The following ZCCHC7 variants were observed in gnomAD, a reference collection of about 807,000 sequenced individuals.
The protein encoded by ZCCHC7 is zinc finger CCHC-type containing 7.
Under a neutral mutation model 52.0 loss-of-function variants are expected in ZCCHC7, and 35 were observed. The ratio of observed to expected loss-of-function variants is 0.67; its 90% CI spans 0.51 to 0.89. The LOEUF (loss-of-function observed/expected upper bound fraction) is 0.89, where lower values mean the gene tolerates loss of function less well. ZCCHC7 is among the 40% of genes least tolerant of loss of function. ZCCHC7 has a pLI of 0.00. For missense variants in ZCCHC7, 574 were observed against 649.1 expected (o/e 0.88, Z 1.26); for synonymous variants, 217 against 221.5 (o/e 0.98, Z 0.18).
intron 2 of ZCCHC7, among the ~76,000 whole-genome samples, chr9:37,140,505 G>T (rs76111671): frequency 0.051 from 7,707 of 151,982 alleles, 639 homozygotes; most frequent in African/African-American, 0.17. Flanking sequence ...CAATTTAAAA[G>T]TTTCTGGATA....
intron 2 of ZCCHC7, among the ~76,000 whole-genome samples, chr9:37,242,236 C>T (rs1441088233): frequency 2.0e-5 from 3 of 151,634 alleles, no homozygotes; most frequent in Non-Finnish European, 3.0e-5. Flanking sequence ...ACATGCAATC[C>T]GTTAAAATTT....
At chr9:37,286,357 A>G (rs559481916) in intron 2 of ZCCHC7, among the ~76,000 whole-genome samples, 54 of 152,280 alleles carry the variant, frequency 3.5e-4, no homozygotes, top group Non-Finnish European at 6.6e-4. Flanking sequence ...TAAGATTGTT[A>G]TGAGAGTTAA....
At chr9:37,256,224 A>T (rs911989884) in intron 2 of ZCCHC7, among the ~76,000 whole-genome samples, 2 of 152,172 alleles carry the variant, frequency 1.3e-5, no homozygotes, top group Non-Finnish European at 2.9e-5. Flanking sequence ...TCAAAAACAC[A>T]TGCCAAGTGT....
intron 2 of ZCCHC7, among the ~76,000 whole-genome samples, chr9:37,225,559 AATTATGTAATATATT>A (rs1825053488): frequency 6.6e-6 from 1 of 152,194 alleles, no homozygotes; most frequent in Non-Finnish European, 1.5e-5. Flanking sequence ...TTAGGAAATG[AATTATGTAATATATT>A]AAAAGATTAA....
At chr9:37,294,379 A>G (rs565594322) in intron 2 of ZCCHC7, among the ~76,000 whole-genome samples, 1 of 152,320 alleles carries the variant, frequency 6.6e-6, no homozygotes, top group South Asian at 2.1e-4. Flanking sequence ...AGGATATGAC[A>G]TAAATATCTG....
At chr9:37,337,304 T>C (rs761049002) in intron 6 of ZCCHC7, among the ~76,000 whole-genome samples, 5 of 151,938 alleles carry the variant, frequency 3.3e-5, no homozygotes, top group Admixed American at 6.6e-5. Flanking sequence ...GCACTGTGTA[T>C]TTTGAAGAGA....
intron 2 of ZCCHC7, among the ~76,000 whole-genome samples, chr9:37,290,978 G>A (rs1828509239): frequency 6.6e-6 from 1 of 152,186 alleles, no homozygotes; most frequent in Non-Finnish European, 1.5e-5. Context: ...ATGCAGGAGT[G>A]ACATGAATCA....
chr9:37,272,694 T>A (rs1488234050), intron 2 of ZCCHC7, among the ~76,000 whole-genome samples: 2 of 152,180 alleles, frequency 1.3e-5, no homozygotes, highest in Non-Finnish European at 2.9e-5. Flanking sequence ...CCCTCTCGTG[T>A]TCTTCATACT....
At chr9:37,156,237 TTC>T (rs776880198) in intron 2 of ZCCHC7, among the ~76,000 whole-genome samples, 34 of 152,350 alleles carry the variant, frequency 2.2e-4, no homozygotes, top group Admixed American at 1.4e-3. Context: ...TGAATTAAAT[TTC>T]TGTTTTCTTT....
At chr9:37,150,652 A>G (rs1203269885) in intron 2 of ZCCHC7, among the ~76,000 whole-genome samples, 1 of 152,198 alleles carries the variant, frequency 6.6e-6, no homozygotes, top group Non-Finnish European at 1.5e-5. Flanking sequence ...ATAAATGTAA[A>G]TCTTTTCTAG....
At chr9:37,313,378 C>T (rs1230392379) in intron 5 of ZCCHC7, among the ~76,000 whole-genome samples, 1 of 152,108 alleles carries the variant, frequency 6.6e-6, no homozygotes, top group Non-Finnish European at 1.5e-5. Context: ...TAGTGAAAAT[C>T]GCATACATGT....
At chr9:37,205,481 G>C (rs918704600) in intron 2 of ZCCHC7, 1 of 152,560 alleles carries the variant, frequency 6.6e-6, no homozygotes, top group Admixed American at 6.5e-5. Context: ...GATGTGTCAT[G>C]GTTTATGTCA....
intron 2 of ZCCHC7, among the ~76,000 whole-genome samples, chr9:37,259,364 G>T (rs1826752393): frequency 6.6e-6 from 1 of 152,082 alleles, no homozygotes; most frequent in Non-Finnish European, 1.5e-5. Flanking sequence ...GATTAATCAT[G>T]ACTTTCTGGC....
intron 2 of ZCCHC7, among the ~76,000 whole-genome samples, chr9:37,165,279 A>T (rs1821356695): frequency 6.6e-6 from 1 of 152,014 alleles, no homozygotes. Flanking sequence ...GGGAATAAAA[A>T]AGGCAGTTTT....
At chr9:37,246,077 T>A (rs1271935685) in intron 2 of ZCCHC7, among the ~76,000 whole-genome samples, 1 of 152,110 alleles carries the variant, frequency 6.6e-6, no homozygotes, top group African/African-American at 2.4e-5. Context: ...AGGCAAAGAA[T>A]AGCAGGGGTT....
At chr9:37,139,705 C>G (rs1175061692) in intron 2 of ZCCHC7, among the ~76,000 whole-genome samples, 1 of 151,846 alleles carries the variant, frequency 6.6e-6, no homozygotes, top group Non-Finnish European at 1.5e-5. Flanking sequence ...TTTGTACTTC[C>G]CCTCCCTCGC....
chr9:37,147,973 CT>C (rs1431057038), intron 2 of ZCCHC7, among the ~76,000 whole-genome samples: 1 of 151,926 alleles, frequency 6.6e-6, no homozygotes, highest in Non-Finnish European at 1.5e-5. Flanking sequence ...TTTTTGCTGA[CT>C]TTTACCTGGT....
rs551267419 is a variant in ZCCHC7 at position 37,125,484 on chromosome 9, A to G, written c.-21-828A>G. The stretch of plus-strand genomic sequence containing the variant: ...GCATTTTTATTTATTCTTTTGGCCA[A>G]TGATCAGAGGGCCGTGCGATTAATT... On this transcript the variant is annotated intron_variant, in intron 1 of 8. Transcript: ENST00000336755. Among the ~76,000 whole-genome samples the G allele has an allele frequency of 2.8e-4, 42 of 152,348 alleles. No homozygotes were observed. The South Asian group carries it at 8.7e-3, about 32-fold the overall frequency.
At chr9:37,222,431 G>T (rs1200775401) in intron 2 of ZCCHC7, among the ~76,000 whole-genome samples, 1 of 150,568 alleles carries the variant, frequency 6.6e-6, no homozygotes, top group Non-Finnish European at 1.5e-5. Context: ...TTTTTAATTT[G>T]GGGAAAGGAT....
Sources: gnomAD v4.1 joint callset for allele counts (sites outside exome capture counted in the v4.1 genomes callset) on GRCh38, gnomAD v4.1.1 for gene constraint, MANE v1.5 for transcripts, NCBI Gene and HGNC (gene_info 2026-07-23, HGNC 2026-07-21) for gene names.